FAM178B: variants seen among roughly 807,000 people sequenced by gnomAD.
FAM178B encodes protein FAM178B.
A neutral mutation model predicts 91.7 loss-of-function variants in FAM178B; 82 were observed. The observed-to-expected ratio is 0.89, with a 90% CI of 0.75 to 1.07. The LOEUF (loss-of-function observed/expected upper bound fraction) is 1.07, where lower values mean the gene tolerates loss of function less well. FAM178B is among the 50% of genes least tolerant of loss of function. FAM178B has a pLI of 0.00. For missense variants in FAM178B, 769 were observed against 846.7 expected, an observed-to-expected ratio of 0.91 and a Z score of 1.14; for synonymous variants, 368 against 359.4, an observed-to-expected ratio of 1.02 and a Z score of -0.27.
chr2:96,923,411 T>C, intron 10 of FAM178B, 79 bp downstream of exon 10: 1 of 1,119,730 alleles, frequency 8.9e-7, no homozygotes, highest in South Asian at 1.3e-5. Flanking sequence ...TTCTCCGTGA[T>C]GCTCCTGGAA....
intron 14 of FAM178B, among the ~76,000 whole-genome samples, chr2:96,891,282 T>C (rs13423092): frequency 0.25 from 38,397 of 152,144 alleles, 6,153 homozygotes; most frequent in South Asian, 0.67. Context: ...TTCTGCCACA[T>C]GCAGGTAATA....
intron 4 of FAM178B, among the ~76,000 whole-genome samples, chr2:96,969,654 A>G (rs2082190752): frequency 6.6e-6 from 1 of 152,210 alleles, no homozygotes; most frequent in South Asian, 2.1e-4. Flanking sequence ...GTACATCACC[A>G]TGCTGGGCAC....
intron 1 of FAM178B, among the ~76,000 whole-genome samples, chr2:96,979,926 T>C (rs747638097): frequency 1.3e-5 from 2 of 152,242 alleles, no homozygotes; most frequent in African/African-American, 2.4e-5. Flanking sequence ...TCCATTATAG[T>C]AGATAGGGCT....
rs370943040 is a variant in FAM178B at position 96,901,363 on chromosome 2, G to A, written c.1650+1257C>T. ...AATTTTTTGTTTTTTTAGTAGAGAC[G>A]GGGTTTCACCATGTTGGTCGGGCTG... is the stretch of plus-strand genomic sequence containing the variant. On this transcript the variant is annotated intron_variant, in intron 13 of 16. Coordinates refer to ENST00000490605, the MANE Select transcript of FAM178B (RefSeq NM_001122646.3). Among the ~76,000 whole-genome samples, 105 of 151,518 alleles carry A rather than the reference G, an allele frequency of 6.9e-4. 2 individuals are homozygous for A. The East Asian group carries it at 0.011, about 16-fold the overall frequency.
chr2:96,894,055 GGGA>G lies in FAM178B; in HGVS notation c.1651-7_1651-5del. ...GGAGCCGGCTGAGCGAGGACAGCTG[GGGA>G]GGAGAAGGGAGGCTGTCACTCACAG... On this transcript the variant is annotated splice_region_variant and splice_polypyrimidine_tract_variant and intron_variant, in intron 13 of 16. Transcript: ENST00000490605. 1 of 1,600,862 alleles carries G rather than the reference GGGA, an allele frequency of 6.2e-7. No homozygotes were observed. Among genetic ancestry groups the G allele is most frequent in the Non-Finnish European group, 8.5e-7 (1 of 1,174,874 alleles).
intron 14 of FAM178B, among the ~76,000 whole-genome samples, chr2:96,885,874 T>C (rs2080505958): frequency 6.6e-6 from 1 of 152,190 alleles, no homozygotes. Context: ...TTCACGCCAG[T>C]ACACGTATAC....
intron 4 of FAM178B, among the ~76,000 whole-genome samples, chr2:96,968,100 C>T (rs1018439113): frequency 6.6e-6 from 1 of 151,294 alleles, no homozygotes; most frequent in African/African-American, 2.4e-5. Flanking sequence ...TTTTTTTAAA[C>T]ACACCAAGGC....
Position 96,908,517 on chromosome 2 carries a change from T to C in FAM178B, c.1563-5810A>G, listed in dbSNP as rs562977044. Among the ~76,000 whole-genome samples the C allele has an allele frequency of 1.8e-4, 28 of 152,090 alleles. 1 individual carries two copies. In the South Asian group the frequency reaches 4.6e-3, roughly 25 times the overall value. ...GAGTTCGAGGCCATCCTGGGCAACA[T>C]AGGGAGACCCCATCTCTCAAAAACC... On this transcript the variant is annotated intron_variant, in intron 12 of 16. Coordinates refer to ENST00000490605, the MANE Select transcript of FAM178B (RefSeq NM_001122646.3).
intron 12 of FAM178B, among the ~76,000 whole-genome samples, chr2:96,903,298 C>CAA (rs1205018160): frequency 6.6e-6 from 1 of 152,236 alleles, no homozygotes. Context: ...TTCAGCCTCC[C>CAA]AAAGTGCTGG....
At chr2:96,883,782 G>T (rs2080448420) in intron 14 of FAM178B, among the ~76,000 whole-genome samples, 1 of 152,200 alleles carries the variant, frequency 6.6e-6, no homozygotes, top group African/African-American at 2.4e-5. Context: ...GCTGGTGCTG[G>T]GATTCTGGCC....
At chr2:96,946,169 C>T (rs187874091) in intron 8 of FAM178B, among the ~76,000 whole-genome samples, 2 of 152,174 alleles carry the variant, frequency 1.3e-5, no homozygotes, top group East Asian at 3.8e-4. Context: ...TTTCAATGTT[C>T]ATCCATCTTG....
intron 14 of FAM178B, among the ~76,000 whole-genome samples, chr2:96,881,543 T>G (rs796085018): frequency 4.0e-5 from 6 of 149,314 alleles, no homozygotes; most frequent in African/African-American, 1.5e-4. Context: ...CTCGGGGGAG[T>G]CTCTTTGTCT....
At chr2:96,963,570 C>T (rs1204800478) in intron 5 of FAM178B, among the ~76,000 whole-genome samples, 1 of 152,218 alleles carries the variant, frequency 6.6e-6, no homozygotes, top group African/African-American at 2.4e-5. Flanking sequence ...TCTTTGTCCA[C>T]CTGGGACGGC....
At chr2:96,893,274 C>T (rs2080727265) in intron 14 of FAM178B, among the ~76,000 whole-genome samples, 1 of 152,112 alleles carries the variant, frequency 6.6e-6, no homozygotes, top group Non-Finnish European at 1.5e-5. Context: ...ACTCTGCAGC[C>T]CTCACACCCA....
At chr2:96,907,756 C>A (rs2081082469) in intron 12 of FAM178B, among the ~76,000 whole-genome samples, 1 of 152,244 alleles carries the variant, frequency 6.6e-6, no homozygotes, top group Admixed American at 6.5e-5. Context: ...GCAAAGGCAC[C>A]AACCACGTGG....
intron 13 of FAM178B, among the ~76,000 whole-genome samples, chr2:96,895,654 C>T (rs888829796): frequency 8.1e-4 from 124 of 152,380 alleles, no homozygotes; most frequent in African/African-American, 2.9e-3. Context: ...CACAGCAGCC[C>T]TGGGGGCAGG....
At chr2:96,902,762 G>C in intron 12 of FAM178B, 55 bp from the exon 13 acceptor site, 2 of 1,330,082 alleles carry the variant, frequency 1.5e-6, no homozygotes, top group Non-Finnish European at 2.1e-6. Context: ...GGGAGCCCGA[G>C]CAGGGGGCAG....
At chr2:96,907,036 C>T (rs575687959) in intron 12 of FAM178B, among the ~76,000 whole-genome samples, 1 of 152,076 alleles carries the variant, frequency 6.6e-6, no homozygotes, top group Non-Finnish European at 1.5e-5. Flanking sequence ...AGGGAAGAGG[C>T]GGGCAGGGTG....
intron 11 of FAM178B, 107 bp downstream of exon 11, chr2:96,921,371 A>G (rs2081336184): frequency 2.0e-6 from 3 of 1,507,630 alleles, no homozygotes; most frequent in South Asian, 1.2e-5. Context: ...GATCAGGGAC[A>G]TTCCGATGAC....
Sources: gnomAD v4.1 joint callset for allele counts (sites outside exome capture counted in the v4.1 genomes callset) on GRCh38, gnomAD v4.1.1 for gene constraint, MANE v1.5 for transcripts, NCBI Gene and HGNC (gene_info 2026-07-23, HGNC 2026-07-21) for gene names.